The following ALMS1 variants were observed in gnomAD, a reference collection of about 807,000 sequenced individuals.
ALMS1 encodes the protein ALMS1 centrosome and basal body associated protein.
A neutral mutation model predicts 352.2 loss-of-function variants in ALMS1; 271 were observed. That is an observed-to-expected ratio of 0.77 (90% CI 0.70 to 0.85). The LOEUF is 0.85. ALMS1 is among the 40% of genes least tolerant of loss of function. ALMS1 has a pLI of 0.00. For missense variants in ALMS1, 5,445 were observed against 4,870.7 expected, an observed-to-expected ratio of 1.12 and a Z score of -3.51; for synonymous variants, 1,865 against 1,761.2, an observed-to-expected ratio of 1.06 and a Z score of -1.48.
intron 1 of ALMS1, among the ~76,000 whole-genome samples, chr2:73,408,093 C>T (rs1276397398): frequency 2.0e-5 from 3 of 152,162 alleles, no homozygotes; most frequent in Non-Finnish European, 4.4e-5. Context: ...GGAAAAATCT[C>T]AAGAACCAGT....
chr2:73,424,683 G>C lies in ALMS1; in HGVS notation c.1018G>C (p.Asp340His). 1 of 1,614,058 alleles carries C rather than the reference G, an allele frequency of 6.2e-7. No homozygotes were observed. The highest frequency in any genetic ancestry group is 8.5e-7 in the Non-Finnish European group (1 of 1,180,000). The change falls in exon 5 of 23, where the codon GAT becomes CAT. Residue 340 changes from aspartate (D) to histidine (H), a missense_variant. Coordinates refer to ENST00000613296, the MANE Select transcript of ALMS1 (RefSeq NM_001378454.1). ...LKIPKDCDRY[D>H]DLCSYMSWKT... ...AATTCCCAAAGACTGTGATCGTTAT[G>C]ATGATCTTTGTTCATATATGTCATG...
intron 16 of ALMS1, among the ~76,000 whole-genome samples, chr2:73,587,985 C>T (rs903605322): frequency 6.6e-6 from 1 of 151,972 alleles, no homozygotes; most frequent in Non-Finnish European, 1.5e-5. Flanking sequence ...ATAGGAACTC[C>T]GAACAGACCA....
At chr2:73,561,103 C>T (rs1348527881) in intron 15 of ALMS1, among the ~76,000 whole-genome samples, 1 of 152,242 alleles carries the variant, frequency 6.6e-6, no homozygotes, top group Non-Finnish European at 1.5e-5. Context: ...CAGGATTGCA[C>T]ATAACCGTTG....
At chr2:73,562,822 G>A (rs1025577311) in intron 15 of ALMS1, among the ~76,000 whole-genome samples, 1 of 152,148 alleles carries the variant, frequency 6.6e-6, no homozygotes, top group East Asian at 1.9e-4. Context: ...GGGAGACAGA[G>A]GTTGCAGTGA....
rs778948871 is a variant in ALMS1, at chr2:73,385,909, A to AGGT, written c.43_44insTGG (p.Glu14_Glu15insVal). ...CTGCCATGGCCGGGCGAGCTGGAGG[A>AGGT]GGAGGAGGAGGAGGAGGAGGAGGAG... On this transcript the variant is annotated inframe_insertion, in exon 1 of 23. Coordinates refer to ENST00000613296, the MANE Select transcript of ALMS1 (RefSeq NM_001378454.1). 1 of 346,250 alleles carries AGGT rather than the reference A, an allele frequency of 2.9e-6. No individual in the cohort carries two copies. Among genetic ancestry groups the AGGT allele is most frequent in the South Asian group, 3.1e-5 (1 of 31,760 alleles). The allele number at this position is 346,250 out of a possible 1,614,324, so 21.4% of individuals were successfully genotyped here.
At chr2:73,502,696 T>G (rs1315146088) in intron 10 of ALMS1, among the ~76,000 whole-genome samples, 1 of 152,128 alleles carries the variant, frequency 6.6e-6, no homozygotes, top group African/African-American at 2.4e-5. Flanking sequence ...GTGAATTACA[T>G]TGGTCCAGTT....
chr2:73,532,992 C>T (rs541188091), intron 11 of ALMS1, among the ~76,000 whole-genome samples: 1 of 152,316 alleles, frequency 6.6e-6, no homozygotes, highest in South Asian at 2.1e-4. Flanking sequence ...AAGTTCCTTT[C>T]TGGCCCAGGG....
chr2:73,472,156 CAGAG>C (rs1317115469), intron 9 of ALMS1, among the ~76,000 whole-genome samples: 1 of 151,802 alleles, frequency 6.6e-6, no homozygotes, highest in African/African-American at 2.4e-5. Flanking sequence ...ATTCAGAAAA[CAGAG>C]AGTAGAATGG....
At chr2:73,591,502 G>A (rs979554556) in intron 16 of ALMS1, among the ~76,000 whole-genome samples, 3 of 152,090 alleles carry the variant, frequency 2.0e-5, no homozygotes, top group Admixed American at 6.5e-5. Flanking sequence ...TGAAATTTCC[G>A]TTCAAAACAA....
At chr2:73,511,322 A>C (rs1317678811) in intron 10 of ALMS1, among the ~76,000 whole-genome samples, 1 of 151,714 alleles carries the variant, frequency 6.6e-6, no homozygotes, top group Non-Finnish European at 1.5e-5. Flanking sequence ...TGGTATAGGC[A>C]CCCAAGGGAA....
At chr2:73,474,369 C>CTG (rs1491580750) in intron 9 of ALMS1, among the ~76,000 whole-genome samples, 3 of 90,496 alleles carry the variant, frequency 3.3e-5, no homozygotes, top group African/African-American at 1.3e-4. Flanking sequence ...TGCTTGTTGA[C>CTG]TCTGTGTGTG....
At chr2:73,457,629 C>A (rs1672094785) in intron 9 of ALMS1, among the ~76,000 whole-genome samples, 1 of 152,078 alleles carries the variant, frequency 6.6e-6, no homozygotes, top group Admixed American at 6.5e-5. Context: ...CAAATTTGAT[C>A]ATTTATTTTA....
At chr2:73,538,051 A>T (rs555270924) in intron 12 of ALMS1, among the ~76,000 whole-genome samples, 1 of 152,176 alleles carries the variant, frequency 6.6e-6, no homozygotes, top group Non-Finnish European at 1.5e-5. Context: ...AGAAAAATAT[A>T]TATGGGAGAC....
In ALMS1 at chr2:73,419,118, T is replaced by G. The variant is rs774098604; in HGVS notation, c.451-5T>G. On this transcript the variant is annotated splice_region_variant and splice_polypyrimidine_tract_variant and intron_variant, in intron 2 of 22. Coordinates refer to ENST00000613296, the MANE Select transcript of ALMS1 (RefSeq NM_001378454.1). Reference sequence around the variant, plus strand: ...TTAGCATGTTTTCCTTTAACATTTTTCTAGAAAACAGAATCTTGGCATTGT... The same window carrying G: ...TTAGCATGTTTTCCTTTAACATTTTGCTAGAAAACAGAATCTTGGCATTGT... 9.6e-5 allele frequency: 155 copies of G among 1,612,088 alleles called. No individual in the cohort carries two copies. The East Asian group carries it at 3.3e-3, about 34-fold the overall frequency.
rs1386837414 is a variant in ALMS1, at chr2:73,599,385, T to C, written c.11548-16T>C. The C allele has an allele frequency of 1.2e-6, 2 of 1,611,934 alleles. No homozygotes were observed. Among genetic ancestry groups the C allele is most frequent in the East Asian group, 2.2e-5 (1 of 44,840 alleles). On this transcript the variant is annotated splice_polypyrimidine_tract_variant and intron_variant, in intron 16 of 22. Coordinates refer to ENST00000613296, the MANE Select transcript of ALMS1 (RefSeq NM_001378454.1). Reference sequence around the variant, plus strand: ...GACTGCAGGTAATAATAACAAGATCTCTTTTATTTTTCTAGGTAGCAAACC... The same window carrying C: ...GACTGCAGGTAATAATAACAAGATCCCTTTTATTTTTCTAGGTAGCAAACC...
At chr2:73,608,426 C>G (rs759194676) in intron 21 of ALMS1, 49 bp from the exon 22 acceptor site, 2 of 1,463,900 alleles carry the variant, frequency 1.4e-6, no homozygotes, top group Non-Finnish European at 1.9e-6. Context: ...TGACTCTGCA[C>G]CCTGGTAACC....
intron 9 of ALMS1, 48 bp downstream of exon 9, chr2:73,455,343 T>C: frequency 1.2e-6 from 2 of 1,607,972 alleles, no homozygotes; most frequent in South Asian, 2.2e-5. Context: ...AAAGAATGGG[T>C]GATGGAATTA....
rs779603297 is a variant in ALMS1 at position 73,451,730 on chromosome 2, G to A, written c.5203G>A (p.Ala1735Thr). 3 of 1,613,948 alleles carry A rather than the reference G, an allele frequency of 1.9e-6. No homozygotes were observed. Among genetic ancestry groups the A allele is most frequent in the East Asian group, 2.2e-5 (1 of 44,868 alleles). ...GCCAGACAGTGAGCTAACTCAAGAA[G>A]CTCTGAAAGTTTCAGCTGTTCCTCA... Reference protein sequence around the residue: ...ALPDSELTQEALKVSAVPQPA... With the variant: ...ALPDSELTQETLKVSAVPQPA... Residue 1735 changes from alanine to threonine, a missense_variant, in exon 8 of 23, where the codon GCT (alanine) becomes ACT (threonine). Physicochemically the swap from Ala to Thr is moderately conservative, Grantham distance 58. Coordinates refer to ENST00000613296, the MANE Select transcript of ALMS1 (RefSeq NM_001378454.1).
intron 11 of ALMS1, among the ~76,000 whole-genome samples, chr2:73,528,846 T>A (rs1558682466): frequency 6.6e-6 from 1 of 152,114 alleles, no homozygotes; most frequent in East Asian, 1.9e-4. Context: ...ATAGCCTGTC[T>A]TCAAACTCAC....
Sources: allele counts gnomAD v4.1 joint callset (sites outside exome capture counted in the v4.1 genomes callset), GRCh38; gene constraint gnomAD v4.1.1; transcripts MANE v1.5; gene names NCBI Gene and HGNC (gene_info 2026-07-23, HGNC 2026-07-21).